Variants in HELLS observed in about 807,000 individuals in gnomAD.
The protein encoded by HELLS is helicase, lymphoid specific.
Under a neutral mutation model 120.0 loss-of-function variants are expected in HELLS, and 32 were observed. The observed-to-expected ratio is 0.27, with a 90% CI of 0.20 to 0.36. The LOEUF is 0.36. HELLS is among the 10% of genes least tolerant of loss of function. The pLI is 1.00. For synonymous variants in HELLS, 341 were observed against 323.4 expected, an observed-to-expected ratio of 1.05 and a Z score of -0.58; for missense variants, 650 against 993.4, an observed-to-expected ratio of 0.65 and a Z score of 4.65.
At chr10:94,613,661 G>T (rs1172073411) in exon 10 of HELLS, 1 of 151,910 alleles carries the variant, frequency 6.6e-6, no homozygotes, top group African/African-American at 2.4e-5. Flanking sequence ...TAGATATTTA[G>T]TTTGCTGGTA....
intron 19 of HELLS, among the ~76,000 whole-genome samples, chr10:94,596,350 AT>A (rs1845737859): frequency 6.6e-6 from 1 of 152,100 alleles, no homozygotes; most frequent in Non-Finnish European, 1.5e-5. Context: ...CTTTCCAGTA[AT>A]TCCTATGCTC....
At chr10:94,593,802 A>G (rs1845611745) in intron 18 of HELLS, among the ~76,000 whole-genome samples, 187 bp downstream of exon 18, 1 of 151,662 alleles carries the variant, frequency 6.6e-6, no homozygotes, top group African/African-American at 2.4e-5. Flanking sequence ...AGCTGTGACT[A>G]TAGGTGTACA....
At chr10:94,551,742 TTTC>T (rs1842986405) in intron 2 of HELLS, among the ~76,000 whole-genome samples, 3 of 151,608 alleles carry the variant, frequency 2.0e-5, no homozygotes, top group Admixed American at 2.0e-4. Context: ...CCCCATTTCT[TTTC>T]TTTTTTTTTT....
intron 12 of HELLS, among the ~76,000 whole-genome samples, chr10:94,586,084 C>A (rs555924055): frequency 6.6e-6 from 1 of 152,000 alleles, no homozygotes; most frequent in East Asian, 1.9e-4. Context: ...TTCATGTTTT[C>A]CTTACAGACA....
chr10:94,562,399 G>A (rs558837198), intron 4 of HELLS, among the ~76,000 whole-genome samples: 28 of 152,060 alleles, frequency 1.8e-4, no homozygotes, highest in Middle Eastern at 6.8e-3. Context: ...GTGAAACTCC[G>A]TCTCCAAAAA....
exon 10 of HELLS, chr10:94,610,123 C>T (rs1227132125): frequency 6.6e-6 from 1 of 152,216 alleles, no homozygotes; most frequent in East Asian, 1.9e-4. Context: ...TGGTCTCCCT[C>T]TCCCCTGCAA....
chr10:94,597,004 C>A (rs1845771945), intron 20 of HELLS, 31 bp from the exon 21 acceptor site: 1 of 1,477,282 alleles, frequency 6.8e-7, no homozygotes, highest in South Asian at 1.2e-5. Flanking sequence ...TTGAATTATT[C>A]ACATAGACTT....
At chr10:94,612,255 T>C (rs1846200953) in exon 10 of HELLS, 1 of 152,186 alleles carries the variant, frequency 6.6e-6, no homozygotes, top group African/African-American at 2.4e-5. Context: ...TAGTACCTAT[T>C]ATAAGAAACT....
chr10:94,560,659 C>T (rs908004480), intron 4 of HELLS, among the ~76,000 whole-genome samples: 3 of 151,720 alleles, frequency 2.0e-5, no homozygotes, highest in South Asian at 2.1e-4. Context: ...ATTGCATCAC[C>T]GCACTCTAGT....
Position 94,577,112 on chromosome 10 carries a change from G to A in HELLS, c.1032+307G>A, listed in dbSNP as rs150221721. On this transcript the variant is annotated intron_variant, in intron 10 of 21. Transcript: ENST00000348459. The stretch of plus-strand genomic sequence containing the variant: ...TTTGTGACAGGTACTTTGAATATAT[G>A]GAATTTACTTATCGTATTTTAATCA... 1.9e-4 allele frequency: 90 copies of A among 477,796 alleles called. No homozygotes were observed. The East Asian group carries it at 4.6e-3, about 24-fold the overall frequency. The allele number at this position is 477,796 out of a possible 1,614,324, so 29.6% of individuals were successfully genotyped here. A position where few individuals can be genotyped will look rare whatever the true frequency, so the allele number is the denominator to read the frequency against.
chr10:94,576,828 T>A (rs765534586), intron 10 of HELLS, 23 bp downstream of exon 10: 5 of 1,563,178 alleles, frequency 3.2e-6, no homozygotes, highest in Non-Finnish European at 3.5e-6. Flanking sequence ...TTCATTGGTT[T>A]CTTTGTAATA....
At chr10:94,605,084 CCT>C (rs1491293410), downstream of HELLS, among the ~76,000 whole-genome samples, 7 of 104,308 alleles carry the variant, frequency 6.7e-5, no homozygotes, top group East Asian at 3.9e-4. Flanking sequence ...CCCCCCCCCC[CCT>C]TTTTTTTTCC....
chr10:94,605,375 G>T (rs758749712), downstream of HELLS, among the ~76,000 whole-genome samples: 1 of 151,956 alleles, frequency 6.6e-6, no homozygotes. Flanking sequence ...GAGCCACTGC[G>T]CCTGGCTGGA....
rs771155032 is a variant in HELLS at position 94,581,463 on chromosome 10, A to G, written c.1170A>G (p.Leu390=). 1 of 1,612,806 alleles carries G rather than the reference A, an allele frequency of 6.2e-7. No individual in the cohort carries two copies. Among genetic ancestry groups the G allele is most frequent in the Non-Finnish European group, 8.5e-7 (1 of 1,179,564 alleles). The change falls in exon 11 of 22, where the codon TTA becomes TTG. Residue 390 remains leucine, a synonymous_variant. Coordinates refer to ENST00000348459, the MANE Select transcript of HELLS (RefSeq NM_018063.5). ...LLTGTPLQNN[L]SELWSLLNFL... is the part of the protein sequence containing the mutation. ...CTGGTACTCCCTTGCAAAACAATTT[A>G]TCAGAACTTTGGTCATTGCTAAACT... is the stretch of plus-strand genomic sequence containing the variant.
intron 4 of HELLS, among the ~76,000 whole-genome samples, chr10:94,559,424 A>G (rs1486766423): frequency 6.6e-6 from 1 of 151,730 alleles, no homozygotes; most frequent in African/African-American, 2.4e-5. Context: ...TGAGTTCGAT[A>G]TTTATTTATT....
intron 2 of HELLS, among the ~76,000 whole-genome samples, chr10:94,548,389 T>G (rs1384682928): frequency 2.0e-5 from 3 of 152,200 alleles, no homozygotes; most frequent in Non-Finnish European, 4.4e-5. Context: ...ATCTTCAGTT[T>G]TATCTTGTTT....
At position 94,581,436 on chromosome 10, in the gene HELLS, G is replaced by A. The variant is rs773646730; in HGVS notation, c.1143G>A (p.Leu381=). The A allele has an allele frequency of 8.1e-6, 13 of 1,613,066 alleles. No homozygotes were observed. In the African/African-American group the frequency reaches 1.3e-4, roughly 17 times the overall value. The part of the protein sequence containing the change: ...KRFNADNKLL[L]TGTPLQNNLS... ...TCAATGCTGATAACAAACTTCTTTTGACTGGTACTCCCTTGCAAAACAATT... is the reference window on the plus strand; with the variant it reads ...TCAATGCTGATAACAAACTTCTTTTAACTGGTACTCCCTTGCAAAACAATT... The change falls in exon 11 of 22, where the codon TTG becomes TTA. Residue 381 remains leucine, a synonymous_variant. Coordinates refer to ENST00000348459, the MANE Select transcript of HELLS (RefSeq NM_018063.5).
At chr10:94,560,358 A>G (rs1191591415) in intron 4 of HELLS, among the ~76,000 whole-genome samples, 2 of 152,222 alleles carry the variant, frequency 1.3e-5, no homozygotes, top group African/African-American at 4.8e-5. Flanking sequence ...AATGCCTGAT[A>G]AAGTATTTTG....
At position 94,573,970 on chromosome 10, in the gene HELLS, C is replaced by A. The variant is rs755929983; in HGVS notation, c.488C>A (p.Ser163Tyr). ...TTTTTTTCTCTACAGGATGAAAACTCCTCCTCTACTAATCTCTGTGTGGAA... is the reference window on the plus strand; with the variant it reads ...TTTTTTTCTCTACAGGATGAAAACTACTCCTCTACTAATCTCTGTGTGGAA... Reference protein sequence around the residue: ...KNKKENEDENSSSTNLCVEDL... With the variant: ...KNKKENEDENYSSTNLCVEDL... Residue 163 changes from serine (S) to tyrosine (Y), a missense_variant, in exon 8 of 22, where the codon TCC (serine) becomes TAC (tyrosine). Ser to Tyr is a moderately radical substitution (Grantham distance 144). Transcript: ENST00000348459. 6.3e-7 allele frequency: 1 copy of A among 1,599,136 alleles called. No homozygotes were observed. The highest frequency in any genetic ancestry group is 1.7e-5 in the Admixed American group (1 of 59,672).
Sources: allele counts gnomAD v4.1 joint callset (sites outside exome capture counted in the v4.1 genomes callset), GRCh38; gene constraint gnomAD v4.1.1; transcripts MANE v1.5; gene names NCBI Gene and HGNC (gene_info 2026-07-23, HGNC 2026-07-21).